PDLIM5: variants seen among roughly 807,000 people sequenced by gnomAD.
PDLIM5 encodes the protein PDZ and LIM domain protein 5.
A neutral mutation model predicts 64.2 loss-of-function variants in PDLIM5; 34 were observed. The ratio of observed to expected loss-of-function variants is 0.53; its 90% CI spans 0.40 to 0.71. The LOEUF (loss-of-function observed/expected upper bound fraction) is 0.71, where lower values mean the gene tolerates loss of function less well. PDLIM5 is among the 30% of genes least tolerant of loss of function. The pLI is 0.00. For missense variants in PDLIM5, 683 were observed against 733.6 expected, an observed-to-expected ratio of 0.93 and a Z score of 0.80; for synonymous variants, 253 against 269.1, an observed-to-expected ratio of 0.94 and a Z score of 0.59.
At chr4:94,456,334 G>A in intron 2 of PDLIM5, 1 of 573,874 alleles carries the variant, frequency 1.7e-6, no homozygotes, top group Non-Finnish European at 3.1e-6. Context: ...GAGTAGCTGG[G>A]ATTACAGGCA....
chr4:94,459,560 T>G (rs1003552280), intron 2 of PDLIM5, among the ~76,000 whole-genome samples: 2 of 152,196 alleles, frequency 1.3e-5, no homozygotes, highest in African/African-American at 2.4e-5. Flanking sequence ...GATTCAGTAG[T>G]TATAGTAATA....
chr4:94,533,143 A>G (rs188002709), intron 3 of PDLIM5, among the ~76,000 whole-genome samples: 1 of 152,366 alleles, frequency 6.6e-6, no homozygotes, highest in African/African-American at 2.4e-5. Context: ...TCAATTCAGT[A>G]GGCCTTAAAG....
rs538023604 is a variant in PDLIM5, at chr4:94,480,271, TA to T, written c.96+24888del. Among the ~76,000 whole-genome samples the T allele has an allele frequency of 5.1e-3, 779 of 152,356 alleles. 4 individuals are homozygous for T. The highest frequency in any genetic ancestry group is 8.6e-3 in the Non-Finnish European group (582 of 68,038). ...ATTTACTTGAGTTACCTGTGTCTTCTATTGAAACTTACCATTAAGGTCTTGA... is the reference window on the plus strand; with the variant it reads ...ATTTACTTGAGTTACCTGTGTCTTCTTTGAAACTTACCATTAAGGTCTTGA... On this transcript the variant is annotated intron_variant, in intron 2 of 12. Transcript: ENST00000317968.
At chr4:94,643,546 A>G (rs555259461) in intron 9 of PDLIM5, among the ~76,000 whole-genome samples, 4 of 152,252 alleles carry the variant, frequency 2.6e-5, no homozygotes, top group African/African-American at 9.6e-5. Context: ...TGGCATTAAA[A>G]TCTATTGACC....
intron 8 of PDLIM5, among the ~76,000 whole-genome samples, chr4:94,627,241 A>C (rs986522214): frequency 6.6e-6 from 1 of 152,230 alleles, no homozygotes; most frequent in African/African-American, 2.4e-5. Flanking sequence ...CCATCTCCTT[A>C]CATAACAAGT....
At chr4:94,536,104 A>G (rs972616759) in intron 3 of PDLIM5, among the ~76,000 whole-genome samples, 2 of 152,150 alleles carry the variant, frequency 1.3e-5, no homozygotes, top group Non-Finnish European at 2.9e-5. Flanking sequence ...TGCCTCAGGT[A>G]TAGCTTTATA....
At chr4:94,604,634 CA>C (rs914342780) in intron 7 of PDLIM5, among the ~76,000 whole-genome samples, 3 of 151,242 alleles carry the variant, frequency 2.0e-5, no homozygotes, top group Non-Finnish European at 4.4e-5. Flanking sequence ...GCTCCGTCTC[CA>C]AAAAAAGAAT....
In PDLIM5 at chr4:94,654,704, A is replaced by G. The variant is rs977117303; in HGVS notation, c.1464+64A>G. 6 of 1,016,486 alleles carry G rather than the reference A, an allele frequency of 5.9e-6. No homozygotes were observed. The East Asian group carries it at 1.4e-4, about 24-fold the overall frequency. 63.0% of individuals were successfully genotyped at this position (1,016,486 alleles called of 1,614,324 possible). ...AAGTAGAATAATTTTTTGATATGAAAGTCTTCTATCACTTTAACTTTTTAT... is the reference window on the plus strand; with the variant it reads ...AAGTAGAATAATTTTTTGATATGAAGGTCTTCTATCACTTTAACTTTTTAT... On this transcript the variant is annotated intron_variant, in intron 10 of 12. Transcript: ENST00000317968.
At chr4:94,571,077 A>G (rs1263051540) in intron 3 of PDLIM5, among the ~76,000 whole-genome samples, 1 of 152,218 alleles carries the variant, frequency 6.6e-6, no homozygotes, top group Non-Finnish European at 1.5e-5. Context: ...AATATACCTT[A>G]AGTATAACAC....
chr4:94,484,838 C>G (rs1446746439), intron 2 of PDLIM5, among the ~76,000 whole-genome samples: 3 of 152,024 alleles, frequency 2.0e-5, no homozygotes, highest in Non-Finnish European at 2.9e-5. Flanking sequence ...TAATAGAGTA[C>G]CATGGGAGTT....
At chr4:94,619,730 C>A (rs868765819) in intron 8 of PDLIM5, among the ~76,000 whole-genome samples, 2 of 152,154 alleles carry the variant, frequency 1.3e-5, no homozygotes, top group Non-Finnish European at 2.9e-5. Flanking sequence ...GTAGCCTCAA[C>A]CTCCAAGGTT....
At chr4:94,513,869 A>G (rs901161887) in intron 2 of PDLIM5, among the ~76,000 whole-genome samples, 2 of 152,096 alleles carry the variant, frequency 1.3e-5, no homozygotes, top group Admixed American at 6.6e-5. Context: ...TCTGTCATAT[A>G]TGGCTTTTAT....
chr4:94,460,620 CAAA>C (rs1305320300), intron 2 of PDLIM5, among the ~76,000 whole-genome samples: 1 of 87,762 alleles, frequency 1.1e-5, no homozygotes, highest in Admixed American at 1.3e-4. Context: ...GACCCTGTCT[CAAA>C]AAAAAAAAAG....
rs184540554 is a variant in PDLIM5 at position 94,582,100 on chromosome 4, G to A, written c.711-3465G>A. On this transcript the variant is annotated intron_variant, in intron 5 of 12. Transcript: ENST00000317968. ...GCTTCCTACATTTTTCATCATAGTCGCTACTAAGAAACAAGAAAAATTTCA... is the reference window on the plus strand; with the variant it reads ...GCTTCCTACATTTTTCATCATAGTCACTACTAAGAAACAAGAAAAATTTCA... Among the ~76,000 whole-genome samples the A allele has an allele frequency of 2.8e-3, 429 of 152,196 alleles. 1 individual carries two copies. Among genetic ancestry groups the A allele is most frequent in the Non-Finnish European group, 4.9e-3 (336 of 67,992 alleles).
intron 9 of PDLIM5, among the ~76,000 whole-genome samples, chr4:94,647,429 A>T (rs972180466): frequency 6.6e-5 from 10 of 152,168 alleles, no homozygotes; most frequent in Non-Finnish European, 1.5e-4. Context: ...AATGATAAAA[A>T]GCTCAATCCA....
intron 3 of PDLIM5, among the ~76,000 whole-genome samples, chr4:94,562,616 A>G (rs1733943690): frequency 6.6e-6 from 1 of 152,198 alleles, no homozygotes; most frequent in African/African-American, 2.4e-5. Context: ...GATTTGTCCC[A>G]TTGAACAAGT....
intron 3 of PDLIM5, among the ~76,000 whole-genome samples, chr4:94,528,552 C>G (rs1253959402): frequency 6.6e-6 from 1 of 152,074 alleles, no homozygotes; most frequent in Non-Finnish European, 1.5e-5. Context: ...GTATAGTAGT[C>G]TGTTTTTGAT....
chr4:94,665,652 TGA>T lies in PDLIM5; in HGVS notation c.*1589_*1590del. 9.6e-7 allele frequency: 1 copy of T among 1,039,888 alleles called. No homozygotes were observed. The highest frequency in any genetic ancestry group is 1.2e-6 in the Non-Finnish European group (1 of 865,606). The allele number at this position is 1,039,888 out of a possible 1,614,324, so 64.4% of individuals were successfully genotyped here. On this transcript the variant is annotated 3_prime_UTR_variant, in exon 13 of 13. Transcript: ENST00000317968. ...GTTATGCCACTGGCTGATGAAGAGT[TGA>T]GAGGTCTCTTTGCAGAATGATCTTT... is the stretch of plus-strand genomic sequence containing the variant.
At chr4:94,609,166 C>T (rs1423137917) in intron 7 of PDLIM5, among the ~76,000 whole-genome samples, 1 of 152,074 alleles carries the variant, frequency 6.6e-6, no homozygotes, top group East Asian at 1.9e-4. Flanking sequence ...TCACATTAAC[C>T]AGAGGTCGAG....
Sources: allele counts gnomAD v4.1 joint callset (sites outside exome capture counted in the v4.1 genomes callset), GRCh38; gene constraint gnomAD v4.1.1; transcripts MANE v1.5; gene names NCBI Gene and HGNC (gene_info 2026-07-23, HGNC 2026-07-21).